The following PCLO variants were observed in gnomAD, a reference collection of about 807,000 sequenced individuals.
The protein encoded by PCLO is protein piccolo.
In PCLO, 82 loss-of-function variants were observed where a neutral mutation model predicts 427.5. The observed-to-expected ratio is 0.19, with a 90% CI of 0.16 to 0.23. PCLO has a LOEUF of 0.23. Among genes scored for constraint, PCLO ranks in the 10% least tolerant of loss-of-function variants. The pLI is 1.00. For missense variants in PCLO, 6,239 were observed against 6,115.9 expected (o/e 1.02, Z -0.67); for synonymous variants, 2,357 against 2,155.4 (o/e 1.09, Z -2.59).
At chr7:82,877,448 A>G (rs1793399969) in intron 10 of PCLO, among the ~76,000 whole-genome samples, 1 of 152,188 alleles carries the variant, frequency 6.6e-6, no homozygotes, top group Non-Finnish European at 1.5e-5. Context: ...CTCATCCTTA[A>G]AAATGGGTCT....
At position 82,835,611 on chromosome 7, in the gene PCLO, A is replaced by G. The variant is rs964964838; in HGVS notation, c.14249+56T>C. The G allele has an allele frequency of 3.4e-6, 5 of 1,467,112 alleles. No homozygotes were observed. The African/African-American group carries it at 5.6e-5, about 16-fold the overall frequency. 90.9% of individuals were successfully genotyped at this position (1,467,112 alleles called of 1,614,324 possible). Reference sequence around the variant, plus strand: ...CAGTGAATGTACATAAAAATGCCAAAAGTATAATTCAAGACATAGCAGCAG... The same window carrying G: ...CAGTGAATGTACATAAAAATGCCAAGAGTATAATTCAAGACATAGCAGCAG... On this transcript the variant is annotated intron_variant, in intron 16 of 24. Transcript: ENST00000333891.
chr7:82,972,012 C>G (rs1795919005), intron 3 of PCLO, among the ~76,000 whole-genome samples: 1 of 151,588 alleles, frequency 6.6e-6, no homozygotes, highest in Non-Finnish European at 1.5e-5. Flanking sequence ...TCAGAGGCCT[C>G]CAAATTATGA....
At chr7:82,832,968 C>G (rs1053819472) in intron 16 of PCLO, among the ~76,000 whole-genome samples, 2 of 152,020 alleles carry the variant, frequency 1.3e-5, no homozygotes, top group Admixed American at 6.6e-5. Flanking sequence ...TTTTATTTTC[C>G]TCTTTGCTCT....
At chr7:83,126,772 A>C (rs2116586591) in intron 3 of PCLO, among the ~76,000 whole-genome samples, 1 of 152,206 alleles carries the variant, frequency 6.6e-6, no homozygotes. Context: ...ATAACTGATT[A>C]ATAAACTCGT....
intron 10 of PCLO, among the ~76,000 whole-genome samples, chr7:82,863,809 G>A (rs1793025203): frequency 6.6e-6 from 1 of 152,008 alleles, no homozygotes; most frequent in Admixed American, 6.6e-5. Flanking sequence ...GTTTTCATAT[G>A]TATACCATCT....
chr7:83,088,474 T>C (rs1790294075), intron 3 of PCLO, among the ~76,000 whole-genome samples: 1 of 152,194 alleles, frequency 6.6e-6, no homozygotes, highest in African/African-American at 2.4e-5. Flanking sequence ...CTTTTAACCC[T>C]GTATCTCATC....
intron 9 of PCLO, among the ~76,000 whole-genome samples, chr7:82,880,949 G>C (rs979898458): frequency 6.6e-6 from 1 of 152,154 alleles, no homozygotes; most frequent in Non-Finnish European, 1.5e-5. Context: ...CAATACTTTA[G>C]ACACATATTT....
rs369948057 is a variant in PCLO at position 82,914,773 on chromosome 7, T to C, written c.13213A>G (p.Met4405Val). Residue 4405 changes from methionine (M) to valine (V), a missense_variant, in exon 7 of 25, where the codon ATG becomes GTG. Around this residue, in one of 5 missense-constraint regions of PCLO, gnomAD observed 877 missense variants for 925.5 expected, o/e 0.95. Coordinates refer to ENST00000333891, the MANE Select transcript of PCLO (RefSeq NM_033026.6). ...SHSLPEVQQH[M>V]REESRTRGYD... ...CCTCGAGTCCGTGATTCTTCCCTCA[T>C]GTGTTGCTGAACTTCAGGCAATGAG... The C allele has an allele frequency of 5.6e-6, 9 of 1,613,308 alleles. No homozygotes were observed. The East Asian group carries it at 6.7e-5, about 12-fold the overall frequency.
At chr7:82,877,921 C>T (rs1467424654) in intron 10 of PCLO, among the ~76,000 whole-genome samples, 1 of 152,162 alleles carries the variant, frequency 6.6e-6, no homozygotes, top group East Asian at 1.9e-4. Flanking sequence ...ATCTGCCCGC[C>T]TTGGCCTTCC....
At chr7:82,772,633 C>T (rs963227706) in intron 22 of PCLO, among the ~76,000 whole-genome samples, 1 of 152,174 alleles carries the variant, frequency 6.6e-6, no homozygotes, top group Non-Finnish European at 1.5e-5. Context: ...CCTGCACATT[C>T]TCTCTGTATT....
chr7:82,881,799 C>A (rs1793514429), intron 9 of PCLO, among the ~76,000 whole-genome samples: 2 of 151,938 alleles, frequency 1.3e-5, no homozygotes. Flanking sequence ...TGCCACCATG[C>A]CCACCTAATT....
Position 82,916,120 on chromosome 7 carries a change from T to C in PCLO, c.11866A>G (p.Met3956Val), listed in dbSNP as rs771989289. ...CGTGGCTTCTGTTGTATCACCATCA[T>C]CTGTGAAGGTAACTGATAAGAAGGC... ...PQPSYQLPSQ[M>V]MVIQQKPRQT... The change falls in exon 7 of 25, where the codon ATG becomes GTG. Residue 3956 changes from methionine (M) to valine (V), a missense_variant. By Grantham distance (21) the Met-to-Val change is conservative. Around this residue, in one of 5 missense-constraint regions of PCLO, gnomAD observed 680 missense variants for 677.3 expected, o/e 1.00. Coordinates refer to ENST00000333891, the MANE Select transcript of PCLO (RefSeq NM_033026.6). 21 of 1,613,522 alleles carry C rather than the reference T, an allele frequency of 1.3e-5. No individual in the cohort carries two copies. Among genetic ancestry groups the C allele is most frequent in the South Asian group, 5.5e-5 (5 of 91,082 alleles).
At chr7:82,818,786 C>T (rs752757651) in intron 20 of PCLO, among the ~76,000 whole-genome samples, 1 of 152,308 alleles carries the variant, frequency 6.6e-6, no homozygotes, top group South Asian at 2.1e-4. Context: ...GAAATAACTA[C>T]CTCATCCACT....
chr7:82,856,968 A>T (rs1792824313), intron 10 of PCLO, among the ~76,000 whole-genome samples: 2 of 152,032 alleles, frequency 1.3e-5, no homozygotes, highest in Admixed American at 6.6e-5. Context: ...GATGAGTTCA[A>T]CCTGATTTCC....
rs1256515342 is a variant in PCLO at position 82,954,156 on chromosome 7, AAG to A, written c.6795_6796del (p.Leu2266IlefsTer2). On this transcript the variant is annotated frameshift_variant, in exon 5 of 25. Coordinates refer to ENST00000333891, the MANE Select transcript of PCLO (RefSeq NM_033026.6). LOFTEE classifies it high-confidence loss of function. ...TATGATAGAAGATGCCATATCAGATAAGGAAATAACAATATGATCAGCACTAG... is the reference window on the plus strand; with the variant it reads ...TATGATAGAAGATGCCATATCAGATAGAAATAACAATATGATCAGCACTAG... 1 of 1,613,886 alleles carries A rather than the reference AAG, an allele frequency of 6.2e-7. No homozygotes were observed. Among genetic ancestry groups the A allele is most frequent in the Non-Finnish European group, 8.5e-7 (1 of 1,179,814 alleles).
Position 82,914,781 on chromosome 7 carries a change from T to C in PCLO, c.13205A>G (p.Gln4402Arg). ...FGSSHSLPEV[Q>R]QHMREESRTR... ...CCGTGATTCTTCCCTCATGTGTTGC[T>C]GAACTTCAGGCAATGAGTGGCTTGA... Residue 4402 changes from glutamine to arginine, a missense_variant, in exon 7 of 25, where the codon CAG becomes CGG. Coordinates refer to ENST00000333891, the MANE Select transcript of PCLO (RefSeq NM_033026.6). 1 of 1,613,490 alleles carries C rather than the reference T, an allele frequency of 6.2e-7. No individual in the cohort carries two copies. The highest frequency in any genetic ancestry group is 8.5e-7 in the Non-Finnish European group (1 of 1,179,692).
At chr7:82,899,183 A>G (rs1793980225) in intron 9 of PCLO, among the ~76,000 whole-genome samples, 1 of 151,464 alleles carries the variant, frequency 6.6e-6, no homozygotes. Context: ...AAATACATAA[A>G]CTCAATTAAA....
chr7:82,882,023 T>C (rs1793520272), intron 9 of PCLO, among the ~76,000 whole-genome samples: 1 of 152,044 alleles, frequency 6.6e-6, no homozygotes, highest in Admixed American at 6.6e-5. Context: ...AGAAAATAAA[T>C]AGACCCAGGA....
intron 3 of PCLO, among the ~76,000 whole-genome samples, chr7:82,985,699 T>C (rs961035853): frequency 6.6e-6 from 1 of 151,920 alleles, no homozygotes; most frequent in Non-Finnish European, 1.5e-5. Context: ...AGTAAAAATA[T>C]TATAGATCAA....
Sources: gnomAD v4.1 joint callset for allele counts (sites outside exome capture counted in the v4.1 genomes callset) on GRCh38, gnomAD v4.1.1 for gene constraint, gnomAD v4.1.1 regional missense constraint, MANE v1.5 for transcripts, NCBI Gene and HGNC (gene_info 2026-07-23, HGNC 2026-07-21) for gene names.